Variants in SDHA observed in about 807,000 individuals in gnomAD.
SDHA encodes the protein succinate dehydrogenase [ubiquinone] flavoprotein subunit, mitochondrial.
In SDHA, 48 loss-of-function variants were observed where a neutral mutation model predicts 78.4. The ratio of observed to expected loss-of-function variants is 0.61; its 90% CI spans 0.49 to 0.78. The LOEUF (loss-of-function observed/expected upper bound fraction) is 0.78, where lower values mean the gene tolerates loss of function less well. Among genes scored for constraint, SDHA ranks in the 30% least tolerant of loss-of-function variants. The pLI, the probability that SDHA is intolerant of heterozygous loss-of-function variation, is 0.00. For synonymous variants in SDHA, 326 were observed against 353.9 expected (o/e 0.92, Z 0.88); for missense variants, 680 against 892.7 (o/e 0.76, Z 3.04).
In SDHA at chr5:225,984, C is replaced by T. The variant is rs199618059; in HGVS notation, c.558C>T (p.Ala186=). 14 of 1,614,118 alleles carry T rather than the reference C, an allele frequency of 8.7e-6. No individual in the cohort carries two copies. In the East Asian group the frequency reaches 2.9e-4, roughly 33 times the overall value. ...QSLKFGKGGQ[A]HRCCCVADRT... is the part of the protein sequence containing the mutation. Reference sequence around the variant, plus strand: ...TCAAGTTTGGAAAGGGCGGGCAGGCCCATCGGTGCTGCTGTGTGGCTGATC... The same window carrying T: ...TCAAGTTTGGAAAGGGCGGGCAGGCTCATCGGTGCTGCTGTGTGGCTGATC... Residue 186 remains alanine (A), a synonymous_variant, in exon 5 of 15, where the codon GCC becomes GCT. Coordinates refer to ENST00000264932, the MANE Select transcript of SDHA (RefSeq NM_004168.4).
At chr5:224,690 T>TGGGGACTTTGAAGGGCG in intron 3 of SDHA, 169 bp downstream of exon 3, 1 of 689,654 alleles carries the variant, frequency 1.5e-6, no homozygotes, top group Non-Finnish European at 2.5e-6. Context: ...GCCTCTTCCC[T>TGGGGACTTTGAAGGGCG]GGGGACTTTG....
chr5:235,153 C>G lies in SDHA; in HGVS notation c.1074C>G (p.Gly358=), dbSNP rs1421396049. 6.2e-7 allele frequency: 1 copy of G among 1,613,938 alleles called. No individual in the cohort carries two copies. Among genetic ancestry groups the G allele is most frequent in the East Asian group, 2.2e-5 (1 of 44,886 alleles). ...TLEIREGRGC[G]PEKDHVYLQL... is the part of the protein sequence containing the mutation. ...TGTTCTGTCTTACCAGAGGCTGTGGCCCTGAGAAAGATCACGTCTACCTGC... is the reference window on the plus strand; with the variant it reads ...TGTTCTGTCTTACCAGAGGCTGTGGGCCTGAGAAAGATCACGTCTACCTGC... The change falls in exon 9 of 15, where the codon GGC becomes GGG. Residue 358 remains glycine, a synonymous_variant. Transcript: ENST00000264932.
At chr5:237,615 G>C (rs1324497029) in intron 10 of SDHA, among the ~76,000 whole-genome samples, 1 of 134,078 alleles carries the variant, frequency 7.5e-6, no homozygotes. Context: ...GCGTGGCAAG[G>C]ATGGTGGGAC....
At chr5:268,421 C>T in the SDHA span, among the ~76,000 whole-genome samples, 2 of 152,234 alleles carry the variant, frequency 1.3e-5, 1 homozygote, top group South Asian at 4.2e-4. Context: ...CCGCCTCAGC[C>T]TCCCAAAGTG....
At chr5:261,708 CGG>C, downstream of SDHA, among the ~76,000 whole-genome samples, 1 of 45,690 alleles carries the variant, frequency 2.2e-5, no homozygotes, top group Admixed American at 1.9e-4. Flanking sequence ...CTCCGCCTCC[CGG>C]CAGAGCATTA....
At chr5:268,110 T>C in the SDHA span, among the ~76,000 whole-genome samples, 1 of 152,332 alleles carries the variant, frequency 6.6e-6, no homozygotes, top group Non-Finnish European at 1.5e-5. Flanking sequence ...TTTGTGTATG[T>C]AACAGGCTAG....
At position 233,466 on chromosome 5, in the gene SDHA, GT is replaced by G. The variant is rs751123858; in HGVS notation, c.896-5del. The G allele has an allele frequency of 1.2e-6, 2 of 1,613,816 alleles. No individual in the cohort carries two copies. Among genetic ancestry groups the G allele is most frequent in the Non-Finnish European group, 1.7e-6 (2 of 1,179,700 alleles). The stretch of plus-strand genomic sequence containing the variant: ...AATTGTTAGGTAATAAATATGTGTG[GT>G]TTTTTGCAGGCATATATGGTGCTGG... On this transcript the variant is annotated splice_polypyrimidine_tract_variant and intron_variant, in intron 7 of 14. Transcript: ENST00000264932.
chr5:237,978 CT>C (rs1579412576), intron 10 of SDHA, among the ~76,000 whole-genome samples: 1 of 136,044 alleles, frequency 7.4e-6, no homozygotes, highest in East Asian at 1.9e-4. Context: ...TAGCCCTGCA[CT>C]TTGTCGCAGT....
At chr5:222,676 C>T (rs560449670) in intron 1 of SDHA, among the ~76,000 whole-genome samples, 1 of 152,130 alleles carries the variant, frequency 6.6e-6, no homozygotes, top group Non-Finnish European at 1.5e-5. Context: ...TGAGACTATT[C>T]AGTGGTCTTC....
At chr5:224,314 T>C in intron 2 of SDHA, 46 bp from the exon 3 acceptor site, 3 of 1,590,566 alleles carry the variant, frequency 1.9e-6, no homozygotes, top group Non-Finnish European at 2.6e-6. Flanking sequence ...TCTTCATGTT[T>C]GGCATAGTGG....
At chr5:239,456 G>T (rs1041738869) in intron 10 of SDHA, among the ~76,000 whole-genome samples, 45 of 152,160 alleles carry the variant, frequency 3.0e-4, no homozygotes, top group African/African-American at 1.0e-3. Context: ...TACTCTGGAG[G>T]CTGAGGCAGG....
Position 221,319 on chromosome 5 carries a change from A to G in SDHA, c.64-2163A>G, listed in dbSNP as rs189234586. On this transcript the variant is annotated intron_variant, in intron 1 of 14. Coordinates refer to ENST00000264932, the MANE Select transcript of SDHA (RefSeq NM_004168.4). ...GCGGATATGCAGGTGCATTTTTATC[A>G]GTTTTAGACTTCTTGCCTAGAGAGG... Among the ~76,000 whole-genome samples the G allele has an allele frequency of 5.9e-5, 9 of 152,268 alleles. No individual in the cohort carries two copies. The East Asian group carries it at 1.7e-3, about 29-fold the overall frequency.
intron 11 of SDHA, among the ~76,000 whole-genome samples, chr5:246,525 G>A (rs1415877963): frequency 6.6e-6 from 1 of 152,268 alleles, no homozygotes; most frequent in Non-Finnish European, 1.5e-5. Context: ...TGATCGAAAA[G>A]CAAGGCCATA....
At chr5:222,759 C>T (rs1734792405) in intron 1 of SDHA, among the ~76,000 whole-genome samples, 1 of 152,210 alleles carries the variant, frequency 6.6e-6, no homozygotes, top group Admixed American at 6.5e-5. Context: ...GACAGTGTCA[C>T]CTCTCTCACA....
chr5:238,517 A>G (rs769370728), intron 10 of SDHA, among the ~76,000 whole-genome samples: 17 of 151,538 alleles, frequency 1.1e-4, no homozygotes, highest in Non-Finnish European at 2.1e-4. Flanking sequence ...TCAGGTGCAC[A>G]CCACCACACC....
At chr5:233,679 G>A (rs764295556) in intron 8 of SDHA, 34 bp downstream of exon 8, 13 of 1,610,648 alleles carry the variant, frequency 8.1e-6, no homozygotes, top group South Asian at 4.4e-5. Context: ...CTGTCTGAGC[G>A]GGCACACGGG....
At chr5:250,403 C>T (rs1306717901) in intron 11 of SDHA, 2 of 175,298 alleles carry the variant, frequency 1.1e-5, no homozygotes, top group Middle Eastern at 2.7e-3. Flanking sequence ...CATAGCACGT[C>T]TCTCATCACA....
chr5:224,259 A>T, intron 2 of SDHA, 101 bp from the exon 3 acceptor site: 1 of 1,255,868 alleles, frequency 8.0e-7, no homozygotes, highest in Non-Finnish European at 1.2e-6. Context: ...TGTGCCCAGC[A>T]GTTGCTCCTT....
rs1448561231 is a variant in SDHA, at chr5:233,479, A to G, written c.898A>G (p.Ile300Val). The part of the protein sequence containing the change: ...LEFVQFHPTG[I>V]YGAGCLITEG... Reference sequence around the variant, plus strand: ...TAAATATGTGTGGTTTTTTGCAGGCATATATGGTGCTGGTTGTCTCATTAC... The same window carrying G: ...TAAATATGTGTGGTTTTTTGCAGGCGTATATGGTGCTGGTTGTCTCATTAC... Residue 300 changes from isoleucine to valine, a missense_variant and splice_region_variant, in exon 8 of 15, where the codon ATA becomes GTA. Ile to Val is a conservative substitution (Grantham distance 29). Transcript: ENST00000264932. The G allele has an allele frequency of 1.2e-6, 2 of 1,613,630 alleles. No homozygotes were observed. The highest frequency in any genetic ancestry group is 1.3e-5 in the African/African-American group (1 of 74,838).
Sources: allele counts gnomAD v4.1 joint callset (sites outside exome capture counted in the v4.1 genomes callset), GRCh38; gene constraint gnomAD v4.1.1; transcripts MANE v1.5; gene names NCBI Gene and HGNC (gene_info 2026-07-23, HGNC 2026-07-21).